The following FRAS1 variants were observed in gnomAD, a reference collection of about 807,000 sequenced individuals.
FRAS1 encodes the protein extracellular matrix organizing protein FRAS1.
FRAS1 carries 290 observed loss-of-function variants against 435.2 expected under a neutral mutation model. The ratio of observed to expected loss-of-function variants is 0.67; its 90% CI spans 0.61 to 0.73. FRAS1 has a LOEUF of 0.73. FRAS1 is among the 30% of genes least tolerant of loss of function. The pLI, the probability that FRAS1 is intolerant of heterozygous loss-of-function variation, is 0.00. For missense variants in FRAS1, 4,860 were observed against 5,001.5 expected, an observed-to-expected ratio of 0.97 and a Z score of 0.85; for synonymous variants, 1,800 against 1,851.0, an observed-to-expected ratio of 0.97 and a Z score of 0.71.
chr4:78,538,276 G>A (rs115057772), intron 72 of FRAS1, among the ~76,000 whole-genome samples: 2 of 152,076 alleles, frequency 1.3e-5, no homozygotes, highest in Admixed American at 6.6e-5. Context: ...ATTTTTAACC[G>A]AGTAAATGTC....
At position 78,522,803 on chromosome 4, in the gene FRAS1, T is replaced by C. The variant is rs1224934895; in HGVS notation, c.10803T>C (p.Tyr3601=). ...AACTCTGGAGAGCCACAAGCTCTTA[T>C]AACAGGTAAATACAGTGATGGAGGC... ...PHQLWRATSS[Y]NRKDYSGEYT... The change falls in exon 69 of 74, where the codon TAT becomes TAC. Residue 3601 remains tyrosine (Y), a synonymous_variant. Transcript: ENST00000512123. 7.5e-6 allele frequency: 12 copies of C among 1,608,798 alleles called. No homozygotes were observed. Among genetic ancestry groups the C allele is most frequent in the South Asian group, 1.1e-5 (1 of 89,860 alleles).
At chr4:78,302,233 AT>A (rs1484801056) in intron 14 of FRAS1, among the ~76,000 whole-genome samples, 1 of 150,754 alleles carries the variant, frequency 6.6e-6, no homozygotes, top group Non-Finnish European at 1.5e-5. Flanking sequence ...TATGTGCCAC[AT>A]TTTCTTAATC....
intron 2 of FRAS1, among the ~76,000 whole-genome samples, chr4:78,165,307 C>T (rs184055353): frequency 7.2e-5 from 11 of 152,260 alleles, no homozygotes; most frequent in South Asian, 4.1e-4. Flanking sequence ...AAAGGTCGAA[C>T]GAATTTACAT....
intron 2 of FRAS1, among the ~76,000 whole-genome samples, chr4:78,143,743 A>T (rs937831719): frequency 1.5e-4 from 12 of 78,040 alleles, no homozygotes; most frequent in Non-Finnish European, 2.2e-4. Context: ...TAAAAATAAT[A>T]AAAAAAAAAA....
chr4:78,130,548 A>T (rs1433777431), intron 2 of FRAS1, among the ~76,000 whole-genome samples: 1 of 152,134 alleles, frequency 6.6e-6, no homozygotes, highest in Non-Finnish European at 1.5e-5. Context: ...AAAAAGTTGA[A>T]ATTGTGCGAG....
chr4:78,469,847 C>T (rs1017547980), intron 50 of FRAS1, 131 bp from the exon 51 acceptor site: 22 of 705,260 alleles, frequency 3.1e-5, no homozygotes, highest in East Asian at 1.6e-4. Flanking sequence ...GGGATGGGAA[C>T]GGGCTCAGTT....
chr4:78,086,528 T>G (rs1400546836), intron 2 of FRAS1, among the ~76,000 whole-genome samples: 18 of 151,028 alleles, frequency 1.2e-4, no homozygotes, highest in Non-Finnish European at 1.9e-4. Context: ...TAGACCACTA[T>G]CAAGACTAAT....
chr4:78,187,362 AC>A (rs2110059226), intron 2 of FRAS1, among the ~76,000 whole-genome samples: 1 of 152,150 alleles, frequency 6.6e-6, no homozygotes, highest in African/African-American at 2.4e-5. Context: ...TGATTCATAG[AC>A]CCCATTTACA....
chr4:78,151,021 C>T (rs1331027562), intron 2 of FRAS1, among the ~76,000 whole-genome samples: 1 of 152,122 alleles, frequency 6.6e-6, no homozygotes, highest in Non-Finnish European at 1.5e-5. Context: ...TAGGGGATTC[C>T]ACTGAGTCTG....
At chr4:78,445,984 G>T (rs1718810079) in intron 42 of FRAS1, 2 of 1,272,034 alleles carry the variant, frequency 1.6e-6, no homozygotes, top group Non-Finnish European at 2.0e-6. Context: ...TGCTTTGCCA[G>T]TCTCATATAT....
At chr4:78,501,673 C>A (rs60285643) in intron 61 of FRAS1, among the ~76,000 whole-genome samples, 2 of 151,960 alleles carry the variant, frequency 1.3e-5, no homozygotes, top group Non-Finnish European at 1.5e-5. Context: ...TGGCATGAGA[C>A]GGTATCTCAT....
chr4:78,332,495 A>C (rs1482753033), intron 18 of FRAS1, among the ~76,000 whole-genome samples: 1 of 152,160 alleles, frequency 6.6e-6, no homozygotes, highest in Non-Finnish European at 1.5e-5. Context: ...CATAGCACTT[A>C]ATGCTAATGC....
chr4:78,299,754 A>G (rs931416290), intron 14 of FRAS1, among the ~76,000 whole-genome samples: 1 of 152,222 alleles, frequency 6.6e-6, no homozygotes, highest in East Asian at 1.9e-4. Flanking sequence ...ACTCTGGCCC[A>G]TCTGAAGTTG....
chr4:78,465,911 G>C (rs1719512049), intron 49 of FRAS1, among the ~76,000 whole-genome samples: 1 of 152,130 alleles, frequency 6.6e-6, no homozygotes, highest in African/African-American at 2.4e-5. Flanking sequence ...GTTTAAAAAG[G>C]TCTATTTTCT....
intron 70 of FRAS1, among the ~76,000 whole-genome samples, chr4:78,529,435 C>T (rs1403644271): frequency 6.6e-6 from 1 of 152,100 alleles, no homozygotes; most frequent in East Asian, 1.9e-4. Context: ...TACCAGTACT[C>T]CTTCAATACC....
chr4:78,252,347 G>C (rs766962043), intron 4 of FRAS1, 45 bp from the exon 5 acceptor site: 2 of 1,575,626 alleles, frequency 1.3e-6, no homozygotes, highest in Non-Finnish European at 1.7e-6. Flanking sequence ...GAAAGCCTGT[G>C]TTTTGGCACT....
intron 2 of FRAS1, among the ~76,000 whole-genome samples, chr4:78,131,408 C>G (rs1221620418): frequency 3.3e-5 from 5 of 152,200 alleles, no homozygotes; most frequent in African/African-American, 1.2e-4. Context: ...TTGTCCTCCT[C>G]CTCTTGATTC....
intron 18 of FRAS1, among the ~76,000 whole-genome samples, chr4:78,331,544 A>G (rs1183375354): frequency 6.6e-6 from 1 of 152,112 alleles, no homozygotes; most frequent in African/African-American, 2.4e-5. Context: ...AGCTCCATAT[A>G]TATATTAAAG....
chr4:78,427,908 G>A (rs1734057162), intron 35 of FRAS1, among the ~76,000 whole-genome samples: 1 of 152,212 alleles, frequency 6.6e-6, no homozygotes, highest in African/African-American at 2.4e-5. Flanking sequence ...TTGTTAGTAA[G>A]TCCAGAAGAA....
Sources: allele counts gnomAD v4.1 joint callset (sites outside exome capture counted in the v4.1 genomes callset), GRCh38; gene constraint gnomAD v4.1.1; transcripts MANE v1.5; gene names NCBI Gene and HGNC (gene_info 2026-07-23, HGNC 2026-07-21).